The following ACSM3 variants were observed in gnomAD, a reference collection of about 807,000 sequenced individuals.
ACSM3 encodes acyl-CoA synthetase medium chain family member 3.
Under a neutral mutation model 74.1 loss-of-function variants are expected in ACSM3, and 61 were observed. The ratio of observed to expected loss-of-function variants is 0.82; its 90% CI spans 0.67 to 1.02. The LOEUF (loss-of-function observed/expected upper bound fraction) is 1.02. Ranked by LOEUF, ACSM3 falls within the 50% of genes least tolerant of loss-of-function variation. The pLI is 0.00. For synonymous variants in ACSM3, 213 were observed against 241.5 expected (o/e 0.88, Z 1.09); for missense variants, 660 against 697.0 (o/e 0.95, Z 0.60).
At chr16:20,682,370 T>C (rs753553423) in intron 1 of ACSM3, 2 of 1,614,102 alleles carry the variant, frequency 1.2e-6, no homozygotes, top group Admixed American at 1.7e-5. Flanking sequence ...GGCAAGGGCA[T>C]CTATGGTCAC....
At chr16:20,766,986 G>A (rs1422855055) in intron 1 of ACSM3, among the ~76,000 whole-genome samples, 2 of 152,110 alleles carry the variant, frequency 1.3e-5, no homozygotes, top group African/African-American at 4.8e-5. Context: ...GTGGTTTCCT[G>A]GGAGTGAGAG....
intron 1 of ACSM3, among the ~76,000 whole-genome samples, chr16:20,729,027 C>T (rs552444877): frequency 3.3e-5 from 5 of 152,178 alleles, no homozygotes; most frequent in African/African-American, 9.7e-5. Flanking sequence ...AGGATTGCTA[C>T]AGCCTGGGAG....
intron 1 of ACSM3, among the ~76,000 whole-genome samples, chr16:20,707,231 T>C (rs1463813273): frequency 2.0e-5 from 3 of 152,114 alleles, no homozygotes; most frequent in Non-Finnish European, 4.4e-5. Flanking sequence ...CCAACTTAGC[T>C]ACAGATCGAG....
At chr16:20,759,559 C>CA (rs35117717), upstream of ACSM3, among the ~76,000 whole-genome samples, 8,344 of 75,752 alleles carry the variant, frequency 0.11, 446 homozygotes, top group Non-Finnish European at 0.17. Flanking sequence ...GACTCCATCT[C>CA]AAAAAAAAAA....
intron 4 of ACSM3, among the ~76,000 whole-genome samples, chr16:20,778,416 C>T: frequency 1.3e-5 from 2 of 152,164 alleles, no homozygotes; most frequent in East Asian, 3.8e-4. Context: ...ATATTGAGTT[C>T]TTGCCAAAGG....
chr16:20,751,042 A>G (rs543214140), intron 2 of ACSM3, among the ~76,000 whole-genome samples: 3 of 152,144 alleles, frequency 2.0e-5, no homozygotes, highest in East Asian at 1.9e-4. Flanking sequence ...GGGTTTCACT[A>G]TGGTGGCCAG....
upstream of ACSM3, among the ~76,000 whole-genome samples, chr16:20,761,333 C>G (rs1189963774): frequency 6.6e-6 from 1 of 152,216 alleles, no homozygotes; most frequent in East Asian, 1.9e-4. Context: ...GTTCTCAGGA[C>G]CTCCTAAAGC....
rs190402249 is a variant in ACSM3 at position 20,719,788 on chromosome 16, G to A, written c.-189-30122G>A. Among the ~76,000 whole-genome samples the A allele has an allele frequency of 7.2e-5, 11 of 152,282 alleles. No homozygotes were observed. In the East Asian group the frequency reaches 2.1e-3, roughly 29 times the overall value. ...TGCAGAGCAGAGATTAAAAGTGCGG[G>A]CACCTTTGCCCAGAGCAGCTCCTCT... On this transcript the variant is annotated intron_variant, in intron 1 of 3. Coordinates refer to the ACSM3 transcript ENST00000561584.
intron 1 of ACSM3, among the ~76,000 whole-genome samples, 165 bp downstream of exon 1, chr16:20,764,290 T>TGATA (rs1477544352): frequency 1.3e-5 from 2 of 152,240 alleles, no homozygotes; most frequent in African/African-American, 4.8e-5. Context: ...TGTGATACTA[T>TGATA]CTATTAAGTG....
At chr16:20,694,364 C>A (rs2079678672) in intron 1 of ACSM3, among the ~76,000 whole-genome samples, 1 of 152,196 alleles carries the variant, frequency 6.6e-6, no homozygotes, top group Non-Finnish European at 1.5e-5. Flanking sequence ...AATGGCCTTG[C>A]TGAGTAAATT....
chr16:20,718,696 G>A (rs767949073), intron 1 of ACSM3, among the ~76,000 whole-genome samples: 1 of 152,050 alleles, frequency 6.6e-6, no homozygotes, highest in African/African-American at 2.4e-5. Context: ...CTTAAGAATC[G>A]ACCTTAATTC....
chr16:20,703,922 A>C (rs945589828), intron 1 of ACSM3: 1 of 152,236 alleles, frequency 6.6e-6, no homozygotes, highest in African/African-American at 2.4e-5. Context: ...GAAAATGAGA[A>C]AAAAATTGTA....
At chr16:20,754,057 T>C (rs2080009854) in intron 2 of ACSM3, among the ~76,000 whole-genome samples, 1 of 152,144 alleles carries the variant, frequency 6.6e-6, no homozygotes, top group Admixed American at 6.5e-5. Flanking sequence ...CCTTGGACAA[T>C]TTTTCCATGG....
chr16:20,734,169 A>G (rs2079849083), intron 1 of ACSM3: 1 of 152,652 alleles, frequency 6.6e-6, no homozygotes, highest in African/African-American at 2.4e-5. Flanking sequence ...TCCGTAAAAT[A>G]GCAGCTTTCA....
At chr16:20,686,434 A>C (rs940873046) in intron 1 of ACSM3, among the ~76,000 whole-genome samples, 1 of 152,092 alleles carries the variant, frequency 6.6e-6, no homozygotes, top group Admixed American at 6.5e-5. Context: ...TCCCACTTAC[A>C]CAGGCAGGGG....
At chr16:20,728,576 G>T in intron 1 of ACSM3, 1 of 466,442 alleles carries the variant, frequency 2.1e-6, no homozygotes, top group Non-Finnish European at 3.8e-6. Context: ...GTAACCTCAG[G>T]CAAGCAACAA....
chr16:20,738,987 T>C, intron 1 of ACSM3: 2 of 1,614,230 alleles, frequency 1.2e-6, no homozygotes, highest in South Asian at 1.1e-5. Flanking sequence ...GATGCCTTAA[T>C]GTCACCAACT....
At chr16:20,714,182 G>A (rs1260751044) in intron 1 of ACSM3, among the ~76,000 whole-genome samples, 1 of 150,080 alleles carries the variant, frequency 6.7e-6, no homozygotes, top group African/African-American at 2.5e-5. Context: ...CCAGTTTCAG[G>A]AACAGCAAGA....
intron 1 of ACSM3, among the ~76,000 whole-genome samples, chr16:20,676,611 G>A (rs1200871619): frequency 6.6e-6 from 1 of 152,168 alleles, no homozygotes. Flanking sequence ...AGGAGGCAGA[G>A]AAGAAAGCTG....
Sources: gnomAD v4.1 joint callset for allele counts (sites outside exome capture counted in the v4.1 genomes callset) on GRCh38, gnomAD v4.1.1 for gene constraint, MANE v1.5 for transcripts, NCBI Gene and HGNC (gene_info 2026-07-23, HGNC 2026-07-21) for gene names.